The following NELL1 variants were observed in gnomAD, a reference collection of about 807,000 sequenced individuals.
The protein encoded by NELL1 is neural EGFL like 1.
In NELL1, 76 loss-of-function variants were observed where a neutral mutation model predicts 107.4. That is an observed-to-expected ratio of 0.71 (90% CI 0.59 to 0.86). The LOEUF is 0.86. NELL1 is among the 40% of genes least tolerant of loss of function. The pLI is 0.00. For synonymous variants in NELL1, 353 were observed against 341.2 expected (o/e 1.03, Z -0.38); for missense variants, 1,024 against 1,005.5 (o/e 1.02, Z -0.25).
intron 12 of NELL1, among the ~76,000 whole-genome samples, chr11:21,035,822 A>G (rs1273949941): frequency 1.3e-5 from 2 of 151,446 alleles, no homozygotes; most frequent in Admixed American, 1.3e-4. Flanking sequence ...GAAAACTGGC[A>G]CAAGACAAGG....
chr11:21,290,158 A>G (rs956472168), intron 14 of NELL1, among the ~76,000 whole-genome samples: 1 of 152,088 alleles, frequency 6.6e-6, no homozygotes, highest in Non-Finnish European at 1.5e-5. Flanking sequence ...TCACGAGGTC[A>G]GGAGATCGAG....
chr11:21,291,278 GT>G (rs1470677767), intron 14 of NELL1, among the ~76,000 whole-genome samples: 2 of 152,158 alleles, frequency 1.3e-5, no homozygotes, highest in African/African-American at 4.8e-5. Context: ...GCAGAAACAA[GT>G]TTTTTGAAAC....
Position 20,927,393 on chromosome 11 carries a change from A to T in NELL1, c.845A>T (p.Asp282Val), listed in dbSNP as rs1265289767. The change falls in exon 8 of 20, where the codon GAT (aspartate) becomes GTT (valine). Residue 282 changes from aspartate (D) to valine (V), a missense_variant. Physicochemically the swap from Asp to Val is radical, Grantham distance 152. Transcript: ENST00000357134. ...CAAGTGAGTGGACTGCTCTATCGAG[A>T]TCAAGACTCTTGGGTAGATGGTGAC... is the stretch of plus-strand genomic sequence containing the variant. ...TCQVSGLLYR[D>V]QDSWVDGDHC... 4.3e-6 allele frequency: 7 copies of T among 1,613,260 alleles called. No individual in the cohort carries two copies. The highest frequency in any genetic ancestry group is 5.1e-6 in the Non-Finnish European group (6 of 1,179,762).
intron 17 of NELL1, among the ~76,000 whole-genome samples, chr11:21,562,445 C>T (rs996906895): frequency 1.3e-5 from 2 of 152,036 alleles, no homozygotes; most frequent in African/African-American, 2.4e-5. Flanking sequence ...TACATGTACT[C>T]ATTGCCCATT....
intron 2 of NELL1, among the ~76,000 whole-genome samples, chr11:20,734,430 G>C (rs1855715484): frequency 6.6e-6 from 1 of 152,182 alleles, no homozygotes; most frequent in South Asian, 2.1e-4. Flanking sequence ...GAGAGGTGCA[G>C]GAATCCAGGT....
intron 11 of NELL1, among the ~76,000 whole-genome samples, chr11:20,953,657 T>G (rs1298432659): frequency 6.6e-6 from 1 of 152,194 alleles, no homozygotes; most frequent in Non-Finnish European, 1.5e-5. Flanking sequence ...GAGGAGAAAG[T>G]GTGACCCCAA....
At chr11:21,044,134 A>G (rs903428582) in intron 12 of NELL1, among the ~76,000 whole-genome samples, 1 of 152,160 alleles carries the variant, frequency 6.6e-6, no homozygotes, top group African/African-American at 2.4e-5. Flanking sequence ...GTTAGGGTGC[A>G]GATGGAGAAG....
chr11:21,238,468 A>T (rs866587814), intron 14 of NELL1, among the ~76,000 whole-genome samples: 12 of 152,078 alleles, frequency 7.9e-5, no homozygotes, highest in African/African-American at 2.7e-4. Flanking sequence ...GTTAGGACTG[A>T]TGCTGAAATC....
chr11:20,891,963 G>A (rs1208790195), intron 5 of NELL1, among the ~76,000 whole-genome samples: 2 of 152,142 alleles, frequency 1.3e-5, no homozygotes, highest in Admixed American at 1.3e-4. Flanking sequence ...CAACGAGACA[G>A]AAAATTAACA....
intron 14 of NELL1, among the ~76,000 whole-genome samples, chr11:21,358,607 G>A (rs1341245967): frequency 1.4e-5 from 2 of 142,584 alleles, no homozygotes; most frequent in African/African-American, 5.1e-5. Flanking sequence ...AGTAGAGATG[G>A]GGTTTTGCCA....
At chr11:21,231,406 C>T (rs1288723401) in intron 14 of NELL1, among the ~76,000 whole-genome samples, 2 of 151,854 alleles carry the variant, frequency 1.3e-5, no homozygotes, top group East Asian at 3.9e-4. Flanking sequence ...TCTAAAGTAC[C>T]CTGAAGCAAA....
intron 2 of NELL1, among the ~76,000 whole-genome samples, chr11:20,777,736 G>A (rs1366690336): frequency 6.6e-6 from 1 of 152,194 alleles, no homozygotes; most frequent in Non-Finnish European, 1.5e-5. Context: ...TCAGGAGTTT[G>A]CTATATTTTG....
intron 13 of NELL1, among the ~76,000 whole-genome samples, chr11:21,120,636 C>T (rs1855346420): frequency 6.6e-6 from 1 of 152,098 alleles, no homozygotes; most frequent in Admixed American, 6.6e-5. Flanking sequence ...AAGAATGAAA[C>T]AGGTCACAGG....
intron 13 of NELL1, among the ~76,000 whole-genome samples, chr11:21,193,422 G>T (rs1043210895): frequency 4.6e-5 from 7 of 151,708 alleles, no homozygotes; most frequent in Admixed American, 3.9e-4. Flanking sequence ...ACCATGCAGA[G>T]ATAACAGCAT....
In NELL1 at chr11:21,267,077, G is replaced by A. The variant is rs182463838; in HGVS notation, c.1549+37623G>A. ...ATAGTCTATAAACTGTGGATTTATA[G>A]GTATGTTTCTTTTCTTGATTTATCC... On this transcript the variant is annotated intron_variant, in intron 14 of 19. Transcript: ENST00000357134. Among the ~76,000 whole-genome samples, 207 of 152,048 alleles carry A rather than the reference G, an allele frequency of 1.4e-3. 1 individual carries two copies. Among genetic ancestry groups the A allele is most frequent in the African/African-American group, 4.7e-3 (194 of 41,512 alleles).
At chr11:21,468,939 G>A (rs893653876) in intron 15 of NELL1, among the ~76,000 whole-genome samples, 3 of 152,046 alleles carry the variant, frequency 2.0e-5, no homozygotes, top group Admixed American at 6.6e-5. Context: ...CTGAAATAGT[G>A]CTACTCTGCC....
intron 15 of NELL1, among the ~76,000 whole-genome samples, chr11:21,454,477 G>A (rs1853671283): frequency 6.6e-6 from 1 of 152,162 alleles, no homozygotes; most frequent in South Asian, 2.1e-4. Context: ...CCTCTCTGCT[G>A]TTTTTCTCAT....
At chr11:21,435,073 GT>G (rs1019287660) in intron 15 of NELL1, among the ~76,000 whole-genome samples, 1 of 151,800 alleles carries the variant, frequency 6.6e-6, no homozygotes, top group African/African-American at 2.4e-5. Context: ...TTCTAAGAGG[GT>G]TTTTTTGTGG....
chr11:21,058,463 T>G (rs1163932538), intron 12 of NELL1, among the ~76,000 whole-genome samples: 1 of 152,146 alleles, frequency 6.6e-6, no homozygotes, highest in Non-Finnish European at 1.5e-5. Context: ...GTAAGCACAC[T>G]TAATGTCATT....
Sources: allele counts gnomAD v4.1 joint callset (sites outside exome capture counted in the v4.1 genomes callset), GRCh38; gene constraint gnomAD v4.1.1; transcripts MANE v1.5; gene names NCBI Gene and HGNC (gene_info 2026-07-23, HGNC 2026-07-21).